Variants in MSRB3 observed in about 807,000 individuals in gnomAD.
MSRB3 encodes the protein methionine sulfoxide reductase B3, also known as methionine-R-sulfoxide reductase B3.
In MSRB3, 13 loss-of-function variants were observed where a neutral mutation model predicts 21.0. The observed-to-expected ratio is 0.62, with a 90% CI of 0.40 to 0.98. The LOEUF (loss-of-function observed/expected upper bound fraction) is 0.98, where lower values mean the gene tolerates loss of function less well. Ranked by LOEUF, MSRB3 falls within the 50% of genes least tolerant of loss-of-function variation. The pLI, the probability that MSRB3 is intolerant of heterozygous loss-of-function variation, is 0.00. For synonymous variants in MSRB3, 87 were observed against 88.6 expected (o/e 0.98, Z 0.10); for missense variants, 199 against 230.3 (o/e 0.86, Z 0.88).
chr12:65,302,791 A>G (rs1873413238), intron 1 of MSRB3, among the ~76,000 whole-genome samples: 1 of 152,160 alleles, frequency 6.6e-6, no homozygotes, highest in East Asian at 1.9e-4. Flanking sequence ...TGATAAGAAC[A>G]AAGATTTTTT....
At chr12:65,442,751 C>A (rs1021806070) in intron 5 of MSRB3, among the ~76,000 whole-genome samples, 1 of 151,954 alleles carries the variant, frequency 6.6e-6, no homozygotes, top group Non-Finnish European at 1.5e-5. Context: ...AATTTGAAAC[C>A]ATTTTGAGAG....
intron 5 of MSRB3, chr12:65,419,439 G>A: frequency 1.3e-6 from 1 of 748,952 alleles, no homozygotes; most frequent in African/African-American, 1.7e-5. Context: ...GCAGCTGAGT[G>A]ACACTGGTGT....
chr12:65,407,957 G>C (rs1476334080), intron 5 of MSRB3, among the ~76,000 whole-genome samples: 1 of 146,904 alleles, frequency 6.8e-6, no homozygotes, highest in African/African-American at 2.5e-5. Flanking sequence ...TTGCAACGTT[G>C]CTTTTTTTTT....
At position 65,445,705 on chromosome 12, in the gene MSRB3, A is replaced by G. The variant is rs907255278; in HGVS notation, c.293-8023A>G. Among the ~76,000 whole-genome samples, 3 of 148,908 alleles carry G rather than the reference A, an allele frequency of 2.0e-5. No homozygotes were observed. The East Asian group carries it at 6.0e-4, about 30-fold the overall frequency. On this transcript the variant is annotated intron_variant, in intron 5 of 6. Transcript: ENST00000308259. ...CTGTCGCCCAGGCTGGAATGCAGTG[A>G]CACAATCTTGGCTCACTGCAACTGC...
intron 5 of MSRB3, among the ~76,000 whole-genome samples, chr12:65,392,820 C>A (rs1879556436): frequency 6.6e-6 from 1 of 152,178 alleles, no homozygotes; most frequent in African/African-American, 2.4e-5. Context: ...TGACTTGTTG[C>A]TCTGGAACGA....
intron 6 of MSRB3, 46 bp downstream of exon 6, chr12:65,453,871 C>G: frequency 6.7e-7 from 1 of 1,484,706 alleles, no homozygotes; most frequent in Non-Finnish European, 9.4e-7. Flanking sequence ...TTTCAGGACT[C>G]CTGGTTGTGC....
At chr12:65,447,382 T>C (rs1478428226) in intron 5 of MSRB3, among the ~76,000 whole-genome samples, 1 of 152,178 alleles carries the variant, frequency 6.6e-6, no homozygotes. Flanking sequence ...AGAGATATTT[T>C]AGGGAATCAT....
chr12:65,406,229 G>T (rs1465267661), intron 5 of MSRB3, among the ~76,000 whole-genome samples: 1 of 152,106 alleles, frequency 6.6e-6, no homozygotes, highest in Non-Finnish European at 1.5e-5. Flanking sequence ...CTTTAATCCA[G>T]TCTGAGTTAG....
At chr12:65,356,940 A>T (rs1477986042) in intron 4 of MSRB3, among the ~76,000 whole-genome samples, 1 of 151,912 alleles carries the variant, frequency 6.6e-6, no homozygotes, top group African/African-American at 2.4e-5. Context: ...TAGTATCCTT[A>T]TGATTTTTTT....
At chr12:65,367,420 C>T (rs2136530184) in intron 4 of MSRB3, among the ~76,000 whole-genome samples, 1 of 152,296 alleles carries the variant, frequency 6.6e-6, no homozygotes, top group South Asian at 2.1e-4. Flanking sequence ...AGGAGGGAAG[C>T]TTAAGCAGAA....
At chr12:65,367,771 G>A (rs1818878565) in intron 4 of MSRB3, among the ~76,000 whole-genome samples, 1 of 152,142 alleles carries the variant, frequency 6.6e-6, no homozygotes, top group African/African-American at 2.4e-5. Flanking sequence ...GTTGAGATGA[G>A]GACTATGGTA....
At chr12:65,430,417 G>T (rs1235040719) in intron 5 of MSRB3, among the ~76,000 whole-genome samples, 5 of 152,152 alleles carry the variant, frequency 3.3e-5, no homozygotes, top group African/African-American at 1.2e-4. Context: ...CCCTGGGAAA[G>T]ATTAAACAGA....
chr12:65,350,285 C>T (rs558322825), intron 4 of MSRB3, among the ~76,000 whole-genome samples: 1 of 151,666 alleles, frequency 6.6e-6, no homozygotes, highest in South Asian at 2.1e-4. Flanking sequence ...GTTTTGGTAC[C>T]AGTACCATGC....
At chr12:65,289,417 C>T (rs942780194) in intron 1 of MSRB3, among the ~76,000 whole-genome samples, 9 of 152,152 alleles carry the variant, frequency 5.9e-5, no homozygotes, top group African/African-American at 1.7e-4. Flanking sequence ...TTGCTTGAAC[C>T]GGGAGGCAGA....
chr12:65,339,355 A>C (rs1452245738), intron 4 of MSRB3, among the ~76,000 whole-genome samples: 1 of 152,204 alleles, frequency 6.6e-6, no homozygotes, highest in Non-Finnish European at 1.5e-5. Context: ...CTGGGGCAAA[A>C]TTGTCTCTTG....
intron 5 of MSRB3, among the ~76,000 whole-genome samples, chr12:65,424,135 G>A (rs941120136): frequency 3.3e-5 from 5 of 151,700 alleles, no homozygotes; most frequent in African/African-American, 4.8e-5. Context: ...ACTGTTCATA[G>A]TAGACTCATG....
chr12:65,326,893 A>G lies in MSRB3; in HGVS notation c.144A>G (p.Thr48=), dbSNP rs774379772. The stretch of plus-strand genomic sequence containing the variant: ...AGCAGGAACTGAGGAAGCGGCTAAC[A>G]CCCCTGCAGTACCATGTCACTCAGG... ...FSQQELRKRL[T]PLQYHVTQEK... Residue 48 remains threonine (T), a synonymous_variant, in exon 3 of 7, where the codon ACA becomes ACG. Coordinates refer to ENST00000308259, the MANE Select transcript of MSRB3 (RefSeq NM_001031679.3). 1.2e-6 allele frequency: 2 copies of G among 1,613,878 alleles called. No homozygotes were observed. Among genetic ancestry groups the G allele is most frequent in the Non-Finnish European group, 1.7e-6 (2 of 1,179,904 alleles).
At chr12:65,395,156 A>G (rs1307875083) in intron 5 of MSRB3, among the ~76,000 whole-genome samples, 1 of 152,180 alleles carries the variant, frequency 6.6e-6, no homozygotes, top group East Asian at 1.9e-4. Context: ...CTATTTGCAG[A>G]TGATATGATC....
At chr12:65,435,391 A>G (rs544390097) in intron 5 of MSRB3, among the ~76,000 whole-genome samples, 1 of 151,970 alleles carries the variant, frequency 6.6e-6, no homozygotes, top group African/African-American at 2.4e-5. Context: ...TAGTTTATTT[A>G]GCCATTTCTA....
Sources: allele counts gnomAD v4.1 joint callset (sites outside exome capture counted in the v4.1 genomes callset), GRCh38; gene constraint gnomAD v4.1.1; transcripts MANE v1.5; gene names NCBI Gene and HGNC (gene_info 2026-07-23, HGNC 2026-07-21).